IL18RAP: variants seen among roughly 807,000 people sequenced by gnomAD.
IL18RAP encodes interleukin-18 receptor accessory protein.
Under a neutral mutation model 58.1 loss-of-function variants are expected in IL18RAP, and 37 were observed. The observed-to-expected ratio is 0.64, with a 90% CI of 0.49 to 0.84. The LOEUF (loss-of-function observed/expected upper bound fraction) is 0.84. Ranked by LOEUF, IL18RAP falls within the 40% of genes least tolerant of loss-of-function variation. IL18RAP has a pLI of 0.00. For synonymous variants in IL18RAP, 268 were observed against 257.5 expected (o/e 1.04, Z -0.39); for missense variants, 667 against 704.8 (o/e 0.95, Z 0.61).
At chr2:102,419,082 T>C (rs1013902972), upstream of IL18RAP, 3 of 152,234 alleles carry the variant, frequency 2.0e-5, no homozygotes, top group African/African-American at 7.2e-5. Context: ...AAATGGGTTA[T>C]TTACTAACAA....
In IL18RAP at chr2:102,437,274, T is replaced by C. The variant is rs1487025936; in HGVS notation, c.642T>C (p.Tyr214=). 2.5e-6 allele frequency: 4 copies of C among 1,613,840 alleles called. No individual in the cohort carries two copies. The highest frequency in any genetic ancestry group is 2.2e-5 in the East Asian group (1 of 44,870). Residue 214 remains tyrosine (Y), a synonymous_variant, in exon 4 of 10, where the codon TAT becomes TAC. Transcript: ENST00000687160. ...NRIVVDEVYD[Y]HQGTYVCDYT... Reference sequence around the variant, plus strand: ...TCGTAGTGGATGAAGTTTATGACTATCACCAGGGCACATATGTATGTGATT... The same window carrying C: ...TCGTAGTGGATGAAGTTTATGACTACCACCAGGGCACATATGTATGTGATT...
intron 3 of IL18RAP, among the ~76,000 whole-genome samples, chr2:102,425,367 A>C (rs1258377414): frequency 6.6e-6 from 1 of 152,150 alleles, no homozygotes; most frequent in East Asian, 1.9e-4. Flanking sequence ...TGGTAAGAGG[A>C]AACATTTCCC....
At chr2:102,447,048 C>T (rs527910754) in intron 7 of IL18RAP, 22 bp from the exon 8 acceptor site, 2 of 1,611,760 alleles carry the variant, frequency 1.2e-6, no homozygotes, top group African/African-American at 2.7e-5. Context: ...TATGTCTCTT[C>T]ATACTGGCCC....
intron 8 of IL18RAP, among the ~76,000 whole-genome samples, chr2:102,448,821 C>T (rs543663686): frequency 2.0e-5 from 3 of 151,928 alleles, no homozygotes; most frequent in Admixed American, 6.6e-5. Flanking sequence ...GTTAGCTGGG[C>T]GTGGTGGTAC....
chr2:102,442,092 G>T (rs1288208806), intron 5 of IL18RAP, among the ~76,000 whole-genome samples: 1 of 151,978 alleles, frequency 6.6e-6, no homozygotes, highest in Non-Finnish European at 1.5e-5. Context: ...ATTTAATCTG[G>T]CATTTAAGAG....
chr2:102,442,553 T>A (rs1683168450), intron 5 of IL18RAP, among the ~76,000 whole-genome samples: 1 of 152,094 alleles, frequency 6.6e-6, no homozygotes, highest in Non-Finnish European at 1.5e-5. Flanking sequence ...GTATTACCAG[T>A]GGAAAAACGT....
At chr2:102,427,389 A>T (rs1682021499) in intron 3 of IL18RAP, among the ~76,000 whole-genome samples, 1 of 151,902 alleles carries the variant, frequency 6.6e-6, no homozygotes, top group South Asian at 2.1e-4. Flanking sequence ...CAACAGATTA[A>T]TTTTTTTGAT....
intron 4 of IL18RAP, among the ~76,000 whole-genome samples, chr2:102,441,093 A>G (rs1683075898): frequency 6.6e-6 from 1 of 152,182 alleles, no homozygotes; most frequent in Admixed American, 6.5e-5. Flanking sequence ...TCAATTAACA[A>G]CTAATGTTTT....
chr2:102,422,491 T>C (rs919696060), upstream of IL18RAP, among the ~76,000 whole-genome samples: 15 of 152,188 alleles, frequency 9.9e-5, no homozygotes, highest in African/African-American at 3.6e-4. Context: ...CTGAGCCATA[T>C]GCCTCCCCAC....
intron 3 of IL18RAP, among the ~76,000 whole-genome samples, chr2:102,427,958 C>T (rs1018454514): frequency 6.7e-6 from 1 of 149,206 alleles, no homozygotes; most frequent in East Asian, 2.0e-4. Context: ...ATAATCCTTT[C>T]CCCATTGTGT....
At chr2:102,425,800 G>T (rs1481083818) in intron 3 of IL18RAP, among the ~76,000 whole-genome samples, 2 of 152,064 alleles carry the variant, frequency 1.3e-5, no homozygotes, top group Non-Finnish European at 2.9e-5. Flanking sequence ...TACTTTTCAG[G>T]TGAGCACAAG....
At chr2:102,449,984 A>G (rs575037032) in intron 8 of IL18RAP, among the ~76,000 whole-genome samples, 230 of 152,262 alleles carry the variant, frequency 1.5e-3, no homozygotes, top group African/African-American at 5.0e-3. Context: ...CCGAGGCATC[A>G]TTTTAGGTTC....
At chr2:102,450,704 A>G (rs938173879) in intron 8 of IL18RAP, 144 bp from the exon 9 acceptor site, 8 of 496,900 alleles carry the variant, frequency 1.6e-5, no homozygotes, top group African/African-American at 4.0e-5. Flanking sequence ...TGATTTTGAA[A>G]TGAATTTTTA....
At chr2:102,436,276 C>A (rs183587701) in intron 3 of IL18RAP, among the ~76,000 whole-genome samples, 27 of 152,262 alleles carry the variant, frequency 1.8e-4, no homozygotes, top group Non-Finnish European at 3.8e-4. Flanking sequence ...CACGCCTCTC[C>A]CCTGAATTCT....
At chr2:102,447,350 C>G in intron 8 of IL18RAP, 143 bp downstream of exon 8, 2 of 947,718 alleles carry the variant, frequency 2.1e-6, no homozygotes, top group Middle Eastern at 2.4e-4. Flanking sequence ...CCCCTGCCAG[C>G]CAGGGCAGAG....
upstream of IL18RAP, among the ~76,000 whole-genome samples, chr2:102,421,921 A>G (rs1051672925): frequency 1.3e-5 from 2 of 152,078 alleles, no homozygotes; most frequent in South Asian, 4.1e-4. Flanking sequence ...AAAGCAGTCC[A>G]TGCACCCTCT....
intron 4 of IL18RAP, chr2:102,440,624 AAGCG>A (rs949208829): frequency 2.6e-5 from 4 of 151,640 alleles, no homozygotes; most frequent in African/African-American, 7.3e-5. Flanking sequence ...AGCCCAGAGA[AAGCG>A]AGAGAGAGAG....
Position 102,429,441 on chromosome 2 carries a change from T to C in IL18RAP, c.579+5027T>C, listed in dbSNP as rs115722007. 6.2e-3 allele frequency among the ~76,000 whole-genome samples: 946 copies of C among 152,098 alleles called. 17 individuals are homozygous for C. Among genetic ancestry groups the C allele is most frequent in the African/African-American group, 0.021 (887 of 41,566 alleles). ...GTCTACTCTTTCATTTCTGATTTTATCTATTTGAGTGTTCTCTTTTTTCTT... is the reference window on the plus strand; with the variant it reads ...GTCTACTCTTTCATTTCTGATTTTACCTATTTGAGTGTTCTCTTTTTTCTT... On this transcript the variant is annotated intron_variant, in intron 3 of 9. Transcript: ENST00000687160.
At chr2:102,444,424 A>G (rs1156542142) in intron 6 of IL18RAP, among the ~76,000 whole-genome samples, 1 of 152,212 alleles carries the variant, frequency 6.6e-6, no homozygotes, top group Non-Finnish European at 1.5e-5. Flanking sequence ...TCTATGGATA[A>G]TAGCCTGCAC....
Sources: allele counts gnomAD v4.1 joint callset (sites outside exome capture counted in the v4.1 genomes callset), GRCh38; gene constraint gnomAD v4.1.1; transcripts MANE v1.5; gene names NCBI Gene and HGNC (gene_info 2026-07-23, HGNC 2026-07-21).